Variants in RUFY1 observed in about 807,000 individuals in gnomAD.
RUFY1 encodes the protein RUN and FYVE domain-containing protein 1.
In RUFY1, 54 loss-of-function variants were observed where a neutral mutation model predicts 94.6. The ratio of observed to expected loss-of-function variants is 0.57; its 90% CI spans 0.46 to 0.72. The LOEUF (loss-of-function observed/expected upper bound fraction) is 0.72. Ranked by LOEUF, RUFY1 falls within the 30% of genes least tolerant of loss-of-function variation. RUFY1 has a pLI of 0.00. For synonymous variants in RUFY1, 396 were observed against 347.3 expected (o/e 1.14, Z -1.56); for missense variants, 883 against 883.9 (o/e 1.00, Z 0.01).
At chr5:179,564,795 T>C (rs1436515635) in intron 3 of RUFY1, among the ~76,000 whole-genome samples, 2 of 152,190 alleles carry the variant, frequency 1.3e-5, no homozygotes, top group East Asian at 3.8e-4. Context: ...TTGCAGTCGT[T>C]ATTGGTAACA....
At chr5:179,569,189 C>G in intron 4 of RUFY1, 113 bp from the exon 5 acceptor site, 1 of 1,577,742 alleles carries the variant, frequency 6.3e-7, no homozygotes, top group Non-Finnish European at 8.6e-7. Context: ...AGGAAATCCA[C>G]AGCAGTATCT....
At chr5:179,552,267 C>A (rs1004412558) in intron 1 of RUFY1, among the ~76,000 whole-genome samples, 29 of 150,676 alleles carry the variant, frequency 1.9e-4, no homozygotes, top group African/African-American at 7.1e-4. Context: ...TGAGATAGCA[C>A]ATAATAGAAC....
At position 179,598,766 on chromosome 5, in the gene RUFY1, A is replaced by G. The variant is rs1174129890; in HGVS notation, c.1706A>G (p.Lys569Arg). 2 of 1,614,100 alleles carry G rather than the reference A, an allele frequency of 1.2e-6. No homozygotes were observed. Among genetic ancestry groups the G allele is most frequent in the Non-Finnish European group, 1.7e-6 (2 of 1,180,038 alleles). Residue 569 changes from lysine (K) to arginine (R), a missense_variant, in exon 14 of 18, where the codon AAA becomes AGA. Physicochemically the swap from Lys to Arg is conservative, Grantham distance 26. Transcript: ENST00000319449. ...CTTCAGCGCGAATTACAGCACGAGA[A>G]AGACACTTCCTCTCTACTCAGGATG... ...QALQRELQHE[K>R]DTSSLLRMEL...
At chr5:179,591,123 A>G (rs1051944132) in intron 9 of RUFY1, among the ~76,000 whole-genome samples, 2 of 149,724 alleles carry the variant, frequency 1.3e-5, no homozygotes, top group Non-Finnish European at 3.0e-5. Context: ...ATGAGCCACC[A>G]CACCCAGCCT....
chr5:179,579,514 T>G (rs1763915719), intron 6 of RUFY1, among the ~76,000 whole-genome samples: 1 of 151,918 alleles, frequency 6.6e-6, no homozygotes, highest in Non-Finnish European at 1.5e-5. Context: ...GTATTTTTAG[T>G]AGAGACGGGG....
chr5:179,607,665 TG>T lies in RUFY1; in HGVS notation c.1983+11del. The T allele has an allele frequency of 6.2e-7, 1 of 1,612,830 alleles. No homozygotes were observed. Among genetic ancestry groups the T allele is most frequent in the Non-Finnish European group, 8.5e-7 (1 of 1,179,020 alleles). ...TCTCCATTTCCCGGAGAAAGGTACGTGGGGGCTCCACCCACCCTCCCAGTGC... is the reference window on the plus strand; with the variant it reads ...TCTCCATTTCCCGGAGAAAGGTACGTGGGGCTCCACCCACCCTCCCAGTGC... On this transcript the variant is annotated splice_region_variant and intron_variant, in intron 17 of 17. Transcript: ENST00000319449.
At chr5:179,568,777 A>C (rs1435566950) in intron 4 of RUFY1, among the ~76,000 whole-genome samples, 1 of 152,210 alleles carries the variant, frequency 6.6e-6, no homozygotes, top group East Asian at 1.9e-4. Context: ...GATTTGGTAC[A>C]TTAGCAAGTC....
chr5:179,551,239 C>T (rs1561941347), intron 1 of RUFY1, among the ~76,000 whole-genome samples: 1 of 152,234 alleles, frequency 6.6e-6, no homozygotes, highest in East Asian at 1.9e-4. Flanking sequence ...GGAGCGCCGG[C>T]GGGTGTTGGG....
At position 179,609,712 on chromosome 5, in the gene RUFY1, C is replaced by G; in HGVS notation, c.*193C>G. 1 of 526,512 alleles carries G rather than the reference C, an allele frequency of 1.9e-6. No individual in the cohort carries two copies. Among genetic ancestry groups the G allele is most frequent in the Non-Finnish European group, 3.3e-6 (1 of 303,182 alleles). The allele number at this position is 526,512 out of a possible 1,614,324, so 32.6% of individuals were successfully genotyped here. A position where few individuals can be genotyped will look rare whatever the true frequency, so the allele number is the denominator to read the frequency against. ...TTCTGTGACTTGTTCGGAATTAACT[C>G]CTCTGGATGGAAACTTCCATCTTAC... On this transcript the variant is annotated 3_prime_UTR_variant, in exon 18 of 18. Coordinates refer to ENST00000319449, the MANE Select transcript of RUFY1 (RefSeq NM_025158.5).
At chr5:179,585,003 C>T (rs924216930) in intron 7 of RUFY1, among the ~76,000 whole-genome samples, 7 of 151,800 alleles carry the variant, frequency 4.6e-5, no homozygotes, top group African/African-American at 9.7e-5. Context: ...TGTTGACGGG[C>T]GCCTGTGGTC....
intron 9 of RUFY1, 75 bp from the exon 10 acceptor site, chr5:179,591,550 A>G (rs1765106142): frequency 1.2e-6 from 1 of 864,412 alleles, no homozygotes; most frequent in African/African-American, 1.7e-5. Flanking sequence ...AAATTGTGGT[A>G]TATTTTGAAA....
At chr5:179,558,028 A>G (rs917124763) in intron 1 of RUFY1, among the ~76,000 whole-genome samples, 1 of 152,088 alleles carries the variant, frequency 6.6e-6, no homozygotes, top group Non-Finnish European at 1.5e-5. Context: ...GTTCCTTAAA[A>G]CATCTGGGCA....
intron 17 of RUFY1, among the ~76,000 whole-genome samples, 170 bp from the exon 18 acceptor site, chr5:179,609,206 C>CAAAAAAA (rs5873655): frequency 7.4e-5 from 9 of 121,402 alleles, no homozygotes; most frequent in Middle Eastern, 4.2e-3. Flanking sequence ...GACTCTATCT[C>CAAAAAAA]AAAAAAAAAA....
At chr5:179,606,482 C>CA (rs928686909) in intron 16 of RUFY1, 19 of 158,810 alleles carry the variant, frequency 1.2e-4, no homozygotes, top group Admixed American at 1.1e-3. Context: ...AGGAGGCAGA[C>CA]ATTCGGGGGC....
chr5:179,585,946 C>A, intron 8 of RUFY1, 81 bp downstream of exon 8: 1 of 1,106,744 alleles, frequency 9.0e-7, no homozygotes, highest in Non-Finnish European at 1.4e-6. Flanking sequence ...TCTGCGATAG[C>A]AGAGCTTCCT....
rs1349760540 is a variant in RUFY1 at position 179,580,237 on chromosome 5, GTGTGTA to G, written c.891-708_891-703del. On this transcript the variant is annotated intron_variant, in intron 6 of 17. Coordinates refer to ENST00000319449, the MANE Select transcript of RUFY1 (RefSeq NM_025158.5). ...TGTGTGTGTGTGTGTGTGTGTGTGT[GTGTGTA>G]TATTTTTTTTTTTTTTTGAGACGGA... is the stretch of plus-strand genomic sequence containing the variant. Among the ~76,000 whole-genome samples, 320 of 47,208 alleles carry G rather than the reference GTGTGTA, an allele frequency of 6.8e-3. 5 individuals are homozygous for G. Among genetic ancestry groups the G allele is most frequent in the African/African-American group, 0.019 (287 of 15,026 alleles). The allele number at this position is 47,208 out of a possible 152,430, so 31.0% of individuals were successfully genotyped here. A position where few individuals can be genotyped will look rare whatever the true frequency, so the allele number is the denominator to read the frequency against.
chr5:179,559,809 C>T (rs1189411610), intron 1 of RUFY1: 3 of 1,321,856 alleles, frequency 2.3e-6, no homozygotes, highest in Non-Finnish European at 1.9e-6. Context: ...CCCAGTGGCT[C>T]TTCTGACCCA....
intron 15 of RUFY1, among the ~76,000 whole-genome samples, chr5:179,604,052 T>C (rs936795046): frequency 4.6e-5 from 7 of 152,220 alleles, no homozygotes; most frequent in African/African-American, 1.7e-4. Flanking sequence ...AGTGAAACTC[T>C]GTCTCAAAAA....
At chr5:179,566,643 G>C (rs1245734392) in intron 3 of RUFY1, among the ~76,000 whole-genome samples, 1 of 141,684 alleles carries the variant, frequency 7.1e-6, no homozygotes, top group Non-Finnish European at 1.5e-5. Flanking sequence ...AAAAAAAAAA[G>C]ATTGGTTCCA....
Sources: gnomAD v4.1 joint callset for allele counts (sites outside exome capture counted in the v4.1 genomes callset) on GRCh38, gnomAD v4.1.1 for gene constraint, MANE v1.5 for transcripts, NCBI Gene and HGNC (gene_info 2026-07-23, HGNC 2026-07-21) for gene names.